The following TMEM272 variants were observed in gnomAD, a reference collection of about 807,000 sequenced individuals.
TMEM272 encodes long intergenic non-protein coding RNA 282.
TMEM272 carries 8 observed loss-of-function variants against 3.7 expected under a neutral mutation model. The ratio of observed to expected loss-of-function variants is 2.17; its 90% CI spans 1.27 to 3.91. TMEM272 has a LOEUF of 3.91. TMEM272 is among the 30% of genes most tolerant of loss of function. The pLI is 0.00. For missense variants in TMEM272, 166 were observed against 91.5 expected (o/e 1.81, Z -3.32); for synonymous variants, 63 against 39.8 (o/e 1.58, Z -2.20).
the TMEM272 span, among the ~76,000 whole-genome samples, chr13:51,923,903 A>G: frequency 1.3e-5 from 2 of 152,330 alleles, 1 homozygote; most frequent in South Asian, 4.1e-4. Flanking sequence ...ACCCACAGGC[A>G]GCAGTTTGGT....
the TMEM272 span, among the ~76,000 whole-genome samples, chr13:51,902,440 T>C: frequency 1.3e-5 from 2 of 152,378 alleles, no homozygotes; most frequent in East Asian, 1.9e-4. Context: ...ATGTCTAAAA[T>C]GAACTGCTGC....
chr13:51,930,174 A>G, the TMEM272 span, among the ~76,000 whole-genome samples: 1 of 151,024 alleles, frequency 6.6e-6, no homozygotes, highest in African/African-American at 2.4e-5. Context: ...TTTTTGCTAT[A>G]AGCAGTTATT....
At chr13:51,894,489 C>T in the TMEM272 span, among the ~76,000 whole-genome samples, 205 of 152,324 alleles carry the variant, frequency 1.3e-3, 1 homozygote, top group African/African-American at 4.8e-3. Context: ...GAGCCAATCA[C>T]TGCAGCTGGG....
At chr13:51,931,031 T>TGAAGA in the TMEM272 span, among the ~76,000 whole-genome samples, 1 of 152,034 alleles carries the variant, frequency 6.6e-6, no homozygotes, top group South Asian at 2.1e-4. Flanking sequence ...TTCACTAAGG[T>TGAAGA]CTTAAAAGAC....
At chr13:51,828,606 G>A (rs1018501245) in intron 2 of TMEM272, among the ~76,000 whole-genome samples, 7 of 152,042 alleles carry the variant, frequency 4.6e-5, no homozygotes, top group Non-Finnish European at 7.4e-5. Flanking sequence ...CTTCAAAGGC[G>A]TGCAACTTAA....
chr13:51,838,373 C>A, intron 2 of TMEM272, 100 bp downstream of exon 2: 2 of 699,412 alleles, frequency 2.9e-6, no homozygotes, highest in East Asian at 2.7e-5. Flanking sequence ...CCATACCAAG[C>A]ACAGCCCACT....
chr13:51,934,181 A>G, the TMEM272 span: 1 of 181,616 alleles, frequency 5.5e-6, no homozygotes, highest in Non-Finnish European at 1.2e-5. Context: ...CTCCCAGGTG[A>G]CAGGCAGGGT....
the TMEM272 span, among the ~76,000 whole-genome samples, chr13:51,851,853 C>A: frequency 6.6e-6 from 1 of 152,154 alleles, no homozygotes; most frequent in South Asian, 2.1e-4. Context: ...CTGCATAGTA[C>A]TTTGCTCTGT....
At chr13:51,929,336 C>T in the TMEM272 span, among the ~76,000 whole-genome samples, 1 of 152,244 alleles carries the variant, frequency 6.6e-6, no homozygotes, top group Non-Finnish European at 1.5e-5. Flanking sequence ...AAACCCTGGG[C>T]TGCTAGTACA....
the TMEM272 span, among the ~76,000 whole-genome samples, chr13:51,869,651 G>A: frequency 4.0e-5 from 6 of 151,714 alleles, no homozygotes; most frequent in Admixed American, 2.6e-4. Context: ...CGCCATGCCC[G>A]GCTAATTTTT....
the TMEM272 span, among the ~76,000 whole-genome samples, chr13:51,923,901 G>A: frequency 6.6e-6 from 1 of 152,184 alleles, no homozygotes; most frequent in Non-Finnish European, 1.5e-5. Flanking sequence ...TCACCCACAG[G>A]CAGCAGTTTG....
the TMEM272 span, among the ~76,000 whole-genome samples, chr13:51,869,289 A>C: frequency 6.6e-6 from 1 of 152,196 alleles, no homozygotes; most frequent in African/African-American, 2.4e-5. Context: ...CAACAAAGCT[A>C]TTCCTCATTG....
At chr13:51,851,732 C>T in the TMEM272 span, among the ~76,000 whole-genome samples, 1 of 152,134 alleles carries the variant, frequency 6.6e-6, no homozygotes, top group Non-Finnish European at 1.5e-5. Context: ...ACTATGTTGG[C>T]CAGGCTGCTC....
chr13:51,854,135 C>G, the TMEM272 span, among the ~76,000 whole-genome samples: 1 of 152,094 alleles, frequency 6.6e-6, no homozygotes, highest in African/African-American at 2.4e-5. Flanking sequence ...GAAAGTATAT[C>G]CTTTTCAATC....
the TMEM272 span, chr13:51,933,899 C>T: frequency 6.6e-6 from 1 of 152,396 alleles, no homozygotes; most frequent in African/African-American, 2.4e-5. Flanking sequence ...AGAACCTACA[C>T]CCCACAGGAA....
the TMEM272 span, among the ~76,000 whole-genome samples, chr13:51,876,929 G>A: frequency 6.6e-6 from 1 of 152,132 alleles, no homozygotes; most frequent in African/African-American, 2.4e-5. Flanking sequence ...GAAACTAGCA[G>A]GAAAAATCTG....
chr13:51,898,711 T>C, the TMEM272 span, among the ~76,000 whole-genome samples: 3 of 151,336 alleles, frequency 2.0e-5, no homozygotes, highest in Non-Finnish European at 2.9e-5. Flanking sequence ...GGCTTAGACT[T>C]ATATCTTTTT....
chr13:51,901,980 A>G, the TMEM272 span, among the ~76,000 whole-genome samples: 3 of 152,166 alleles, frequency 2.0e-5, no homozygotes, highest in African/African-American at 7.2e-5. Context: ...GGAGAGTTTC[A>G]AGGAGGAGGA....
intron 2 of TMEM272, among the ~76,000 whole-genome samples, chr13:51,836,349 G>A (rs1483723689): frequency 6.6e-6 from 1 of 152,126 alleles, no homozygotes; most frequent in Non-Finnish European, 1.5e-5. Flanking sequence ...TACCTAGTCT[G>A]TGGTATTCTG....
Sources: gnomAD v4.1 joint callset for allele counts (sites outside exome capture counted in the v4.1 genomes callset) on GRCh38, gnomAD v4.1.1 for gene constraint, MANE v1.5 for transcripts, NCBI Gene and HGNC (gene_info 2026-07-23, HGNC 2026-07-21) for gene names.